SAMD5: variants seen among roughly 807,000 people sequenced by gnomAD.
SAMD5 encodes sterile alpha motif domain containing 5.
Under a neutral mutation model 11.3 loss-of-function variants are expected in SAMD5, and 13 were observed. The observed-to-expected ratio is 1.15, with a 90% confidence interval of 0.75 to 1.83. SAMD5 has a LOEUF of 1.83. Among genes scored for constraint, SAMD5 ranks in the 40% most tolerant of loss-of-function variants. The pLI is 0.00. For synonymous variants in SAMD5, 129 were observed against 111.3 expected, an observed-to-expected ratio of 1.16 and a Z score of -1.00; for missense variants, 255 against 239.1, an observed-to-expected ratio of 1.07 and a Z score of -0.44.
chr6:147,705,798 A>G (rs1412061556), intron 1 of SAMD5, among the ~76,000 whole-genome samples: 3 of 152,198 alleles, frequency 2.0e-5, no homozygotes, highest in Admixed American at 2.0e-4. Context: ...CTTAGTAATT[A>G]TTTACATATG....
intron 1 of SAMD5, among the ~76,000 whole-genome samples, chr6:147,589,648 C>T (rs1457270549): frequency 6.6e-6 from 1 of 152,166 alleles, no homozygotes; most frequent in Non-Finnish European, 1.5e-5. Context: ...ACTTTCATAT[C>T]CAACTGCATG....
the SAMD5 span, among the ~76,000 whole-genome samples, chr6:147,782,791 T>A: frequency 6.6e-6 from 1 of 152,252 alleles, no homozygotes; most frequent in Non-Finnish European, 1.5e-5. Flanking sequence ...ATTAAAATCT[T>A]GATCCACAAA....
At chr6:147,695,921 T>C (rs985354737) in intron 1 of SAMD5, among the ~76,000 whole-genome samples, 1 of 152,240 alleles carries the variant, frequency 6.6e-6, no homozygotes, top group African/African-American at 2.4e-5. Flanking sequence ...AATTCACCTC[T>C]TCTTTATCTT....
chr6:147,738,154 G>A (rs1208886433), downstream of SAMD5, among the ~76,000 whole-genome samples: 1 of 152,148 alleles, frequency 6.6e-6, no homozygotes. Flanking sequence ...TCTGCCTTTT[G>A]GGCTGAGTGA....
intron 1 of SAMD5, 141 bp downstream of exon 1, chr6:147,509,528 G>A (rs1788055283): frequency 3.1e-6 from 2 of 649,372 alleles, no homozygotes; most frequent in South Asian, 2.2e-5. Flanking sequence ...CCTTTTCTAT[G>A]TTCTTTCTGT....
intron 1 of SAMD5, among the ~76,000 whole-genome samples, chr6:147,608,499 G>A (rs1449582753): frequency 2.0e-5 from 3 of 152,116 alleles, no homozygotes; most frequent in Admixed American, 6.5e-5. Flanking sequence ...CAAAATGGCT[G>A]GAACCAGAGG....
At chr6:147,756,839 C>A in the SAMD5 span, among the ~76,000 whole-genome samples, 2 of 152,182 alleles carry the variant, frequency 1.3e-5, no homozygotes, top group African/African-American at 4.8e-5. Context: ...ATAGTCGTGT[C>A]GTGTAGCAAC....
the SAMD5 span, among the ~76,000 whole-genome samples, chr6:147,874,899 A>G: frequency 6.6e-6 from 1 of 152,044 alleles, no homozygotes; most frequent in Admixed American, 6.6e-5. Flanking sequence ...AAATGGCCTG[A>G]TTATGTTAAG....
chr6:147,800,016 G>T, the SAMD5 span, among the ~76,000 whole-genome samples: 1 of 152,046 alleles, frequency 6.6e-6, no homozygotes, highest in East Asian at 1.9e-4. Flanking sequence ...TGGTTTGAAT[G>T]TCCTCCCGTA....
the SAMD5 span, among the ~76,000 whole-genome samples, chr6:147,757,376 T>G: frequency 3.9e-5 from 6 of 152,200 alleles, no homozygotes; most frequent in Non-Finnish European, 5.9e-5. Flanking sequence ...GATTCCTTGA[T>G]CTAAGAATGG....
chr6:147,585,869 G>A (rs566760611), intron 1 of SAMD5, among the ~76,000 whole-genome samples: 4 of 152,138 alleles, frequency 2.6e-5, no homozygotes, highest in Admixed American at 2.0e-4. Context: ...AAAAACAGCT[G>A]GTGAAAAAGT....
the SAMD5 span, among the ~76,000 whole-genome samples, chr6:147,774,494 T>A: frequency 6.6e-6 from 1 of 152,296 alleles, no homozygotes; most frequent in East Asian, 1.9e-4. Context: ...TCCCATATAT[T>A]TTAAATCATC....
chr6:147,538,908 G>A (rs1788555023), intron 1 of SAMD5, among the ~76,000 whole-genome samples: 3 of 151,882 alleles, frequency 2.0e-5, no homozygotes, highest in Non-Finnish European at 2.9e-5. Flanking sequence ...CTTTTTTTAA[G>A]CCAATTAATC....
chr6:147,828,176 T>C, the SAMD5 span, among the ~76,000 whole-genome samples: 19 of 152,242 alleles, frequency 1.2e-4, no homozygotes, highest in Admixed American at 4.6e-4. Context: ...AGTGTTAAAC[T>C]CCTGATCATT....
chr6:147,757,850 G>A, the SAMD5 span, among the ~76,000 whole-genome samples: 3 of 151,834 alleles, frequency 2.0e-5, no homozygotes, highest in East Asian at 1.9e-4. Flanking sequence ...TCTTAACATC[G>A]GTTCTACCTA....
the SAMD5 span, among the ~76,000 whole-genome samples, chr6:147,774,687 T>TA: frequency 1.3e-5 from 2 of 152,154 alleles, no homozygotes; most frequent in Non-Finnish European, 2.9e-5. Flanking sequence ...GGATTTTTTT[T>TA]ACTTGTATTA....
the SAMD5 span, among the ~76,000 whole-genome samples, chr6:147,866,777 C>A: frequency 6.7e-6 from 1 of 149,766 alleles, no homozygotes; most frequent in African/African-American, 2.5e-5. Context: ...TAGATTCTGG[C>A]TAAAATCGTT....
the SAMD5 span, among the ~76,000 whole-genome samples, chr6:147,949,542 C>T: frequency 4.5e-4 from 68 of 152,246 alleles, no homozygotes; most frequent in African/African-American, 1.3e-3. Flanking sequence ...ATTTCTATCA[C>T]GCTACTTCTA....
downstream of SAMD5, chr6:147,570,129 C>A: frequency 3.5e-6 from 2 of 577,644 alleles, no homozygotes; most frequent in Non-Finnish European, 4.4e-6. Context: ...GCATTATGGT[C>A]AGCATGGGAA....
Sources: allele counts gnomAD v4.1 joint callset (sites outside exome capture counted in the v4.1 genomes callset), GRCh38; gene constraint gnomAD v4.1.1; transcripts MANE v1.5; gene names NCBI Gene and HGNC (gene_info 2026-07-23, HGNC 2026-07-21).